MALRD1: variants seen among roughly 807,000 people sequenced by gnomAD.
MALRD1 encodes MAM and LDL receptor class A domain containing 1, also known as MAM and LDL-receptor class A domain-containing protein 1.
A neutral mutation model predicts 242.1 loss-of-function variants in MALRD1; 247 were observed. The ratio of observed to expected loss-of-function variants is 1.02; its 90% CI spans 0.92 to 1.13. MALRD1 has a LOEUF of 1.13. Among genes scored for constraint, MALRD1 ranks in the 50% most tolerant of loss-of-function variants. MALRD1 has a pLI of 0.00. For missense variants in MALRD1, 2,989 were observed against 2,533.1 expected (o/e 1.18, Z -3.86); for synonymous variants, 995 against 866.6 (o/e 1.15, Z -2.60).
At position 19,284,141 on chromosome 10, in the gene MALRD1, T is replaced by C. The variant is rs575087831; in HGVS notation, c.3419+960T>C. 2.4e-4 allele frequency among the ~76,000 whole-genome samples: 36 copies of C among 152,352 alleles called. No homozygotes were observed. The South Asian group carries it at 7.0e-3, about 30-fold the overall frequency. ...CAGACTACATAACAAATGTAATATTTTTCTTTATTGACTATTAAGGCTTTT... is the reference window on the plus strand; with the variant it reads ...CAGACTACATAACAAATGTAATATTCTTCTTTATTGACTATTAAGGCTTTT... On this transcript the variant is annotated intron_variant, in intron 21 of 39. Transcript: ENST00000454679.
At chr10:19,389,378 A>G in intron 27 of MALRD1, 74 bp from the exon 28 acceptor site, 3 of 1,442,158 alleles carry the variant, frequency 2.1e-6, no homozygotes, top group Non-Finnish European at 2.9e-6. Flanking sequence ...TAAAGACCCT[A>G]ACTATGATGG....
At chr10:19,253,107 C>T (rs1318744137) in intron 18 of MALRD1, among the ~76,000 whole-genome samples, 2 of 151,936 alleles carry the variant, frequency 1.3e-5, no homozygotes, top group East Asian at 1.9e-4. Context: ...CATGTAATGC[C>T]TTTCATTCTG....
chr10:19,496,688 T>A (rs1248257267), intron 30 of MALRD1, among the ~76,000 whole-genome samples: 1 of 152,078 alleles, frequency 6.6e-6, no homozygotes, highest in Admixed American at 6.6e-5. Flanking sequence ...CATAAAAGTG[T>A]GAAAGGCCAT....
chr10:19,268,630 A>G (rs149655649), intron 19 of MALRD1, among the ~76,000 whole-genome samples: 274 of 152,328 alleles, frequency 1.8e-3, no homozygotes, highest in African/African-American at 6.3e-3. Context: ...ACAATGATTC[A>G]TATTAGTCAA....
intron 2 of MALRD1, among the ~76,000 whole-genome samples, chr10:19,076,771 T>C (rs2131269538): frequency 6.6e-6 from 1 of 152,086 alleles, no homozygotes; most frequent in East Asian, 1.9e-4. Flanking sequence ...TTTTTGTCTA[T>C]TCTGTGTTTC....
At chr10:19,238,481 C>T (rs867613491) in intron 18 of MALRD1, among the ~76,000 whole-genome samples, 383 of 15,850 alleles carry the variant, frequency 0.024, 29 homozygotes, top group African/African-American at 0.068. Context: ...ATATAATATA[C>T]ATTATATATA....
chr10:19,585,035 C>G (rs1589268633), intron 33 of MALRD1, among the ~76,000 whole-genome samples: 1 of 148,238 alleles, frequency 6.7e-6, no homozygotes, highest in South Asian at 2.2e-4. Flanking sequence ...TTATCAGAGA[C>G]TAGGATTGCA....
intron 31 of MALRD1, among the ~76,000 whole-genome samples, chr10:19,515,825 C>A (rs1833603074): frequency 6.6e-6 from 1 of 152,112 alleles, no homozygotes; most frequent in African/African-American, 2.4e-5. Context: ...GCCTTGGCCT[C>A]CCAAAGAGCT....
chr10:19,220,024 T>G (rs923668844), intron 18 of MALRD1, among the ~76,000 whole-genome samples: 1 of 152,200 alleles, frequency 6.6e-6, no homozygotes, highest in Non-Finnish European at 1.5e-5. Context: ...GTTGATGTAC[T>G]TTTTCTTCTT....
In MALRD1 at chr10:19,200,645, G is replaced by GTTT. The variant is rs71387053; in HGVS notation, c.1952-3059_1952-3057dup. Among the ~76,000 whole-genome samples, 253 of 69,438 alleles carry GTTT rather than the reference G, an allele frequency of 3.6e-3. 16 individuals carry two copies. The highest frequency in any genetic ancestry group is 0.013 in the African/African-American group (220 of 16,960). 45.6% of individuals were successfully genotyped at this position (69,438 alleles called of 152,430 possible). On this transcript the variant is annotated intron_variant, in intron 14 of 39. Coordinates refer to ENST00000454679, the MANE Select transcript of MALRD1 (RefSeq NM_001142308.3). ...TTTTTTTTCTCCCTCCCTGCTTGAGGTTTTTTTTTTTTTTTTTTTTTTTTT... is the reference window on the plus strand; with the variant it reads ...TTTTTTTTCTCCCTCCCTGCTTGAGGTTTTTTTTTTTTTTTTTTTTTTTTTTTT...
At chr10:19,425,431 T>C (rs1028707413) in intron 28 of MALRD1, among the ~76,000 whole-genome samples, 2 of 152,216 alleles carry the variant, frequency 1.3e-5, no homozygotes, top group Non-Finnish European at 2.9e-5. Flanking sequence ...TAAGTGTGTG[T>C]GGAAGTATAT....
chr10:19,590,321 A>T (rs900775707), intron 33 of MALRD1, among the ~76,000 whole-genome samples: 1 of 147,654 alleles, frequency 6.8e-6, no homozygotes, highest in South Asian at 2.1e-4. Flanking sequence ...ATATGTATAT[A>T]TACATATTTT....
intron 38 of MALRD1, among the ~76,000 whole-genome samples, chr10:19,706,233 A>G (rs1317011153): frequency 3.3e-5 from 5 of 152,220 alleles, no homozygotes; most frequent in African/African-American, 9.6e-5. Flanking sequence ...AGGGAAACAG[A>G]TTACACTTAG....
chr10:19,288,240 G>T (rs1291651382), intron 21 of MALRD1, among the ~76,000 whole-genome samples: 3 of 152,110 alleles, frequency 2.0e-5, no homozygotes, highest in Non-Finnish European at 4.4e-5. Flanking sequence ...GGCATGCAAT[G>T]TATAATAATC....
At chr10:19,192,517 T>C (rs1207754843) in intron 14 of MALRD1, among the ~76,000 whole-genome samples, 1 of 152,088 alleles carries the variant, frequency 6.6e-6, no homozygotes, top group Non-Finnish European at 1.5e-5. Context: ...AAAACAAGGA[T>C]CTCAGTCTTG....
At chr10:19,728,740 T>G (rs911292146) in intron 38 of MALRD1, among the ~76,000 whole-genome samples, 12 of 152,190 alleles carry the variant, frequency 7.9e-5, no homozygotes, top group Admixed American at 5.2e-4. Flanking sequence ...ATGTCCAATT[T>G]TTCCTGCTTT....
intron 18 of MALRD1, among the ~76,000 whole-genome samples, chr10:19,224,798 C>G (rs971553322): frequency 1.3e-5 from 2 of 152,030 alleles, no homozygotes; most frequent in South Asian, 4.2e-4. Flanking sequence ...GTGTTCACTC[C>G]GATGATAGTG....
intron 32 of MALRD1, among the ~76,000 whole-genome samples, chr10:19,560,870 G>T (rs987556196): frequency 6.6e-6 from 1 of 151,972 alleles, no homozygotes; most frequent in South Asian, 2.1e-4. Context: ...ATAACGGGTT[G>T]ATGGGTACAG....
intron 33 of MALRD1, among the ~76,000 whole-genome samples, chr10:19,575,557 G>A (rs1352387430): frequency 6.6e-6 from 1 of 151,758 alleles, no homozygotes; most frequent in Non-Finnish European, 1.5e-5. Flanking sequence ...TATTGCCAAC[G>A]AGCAATAATT....
Sources: allele counts gnomAD v4.1 joint callset (sites outside exome capture counted in the v4.1 genomes callset), GRCh38; gene constraint gnomAD v4.1.1; transcripts MANE v1.5; gene names NCBI Gene and HGNC (gene_info 2026-07-23, HGNC 2026-07-21).